Variants in TSHZ2 observed in about 807,000 individuals in gnomAD.
The protein encoded by TSHZ2 is teashirt zinc finger homeobox 2, also known as teashirt homolog 2.
A neutral mutation model predicts 74.4 loss-of-function variants in TSHZ2; 21 were observed. The ratio of observed to expected loss-of-function variants is 0.28; its 90% CI spans 0.20 to 0.41. The LOEUF (loss-of-function observed/expected upper bound fraction) is 0.41, where lower values mean the gene tolerates loss of function less well. Ranked by LOEUF, TSHZ2 falls within the 10% of genes least tolerant of loss-of-function variation. The probability of loss-of-function intolerance (pLI) is 1.00; values close to 1 mark genes in which losing one functional copy is unlikely to be tolerated. For missense variants in TSHZ2, 1,244 were observed against 1,293.5 expected, an observed-to-expected ratio of 0.96 and a Z score of 0.59; for synonymous variants, 540 against 515.3, an observed-to-expected ratio of 1.05 and a Z score of -0.65.
intron 1 of TSHZ2, among the ~76,000 whole-genome samples, chr20:53,001,212 G>GTGTGTGTGTGTGTGTGTGTGTGTGTA (rs1568713396): frequency 8.1e-6 from 1 of 123,434 alleles, no homozygotes; most frequent in Non-Finnish European, 1.6e-5. Context: ...GTGCGTGTGT[G>GTGTGTGTGTGTGTGTGTGTGTGTGTA]TGTGTGTGTG....
intron 2 of TSHZ2, among the ~76,000 whole-genome samples, chr20:53,307,785 A>G (rs1362451472): frequency 6.6e-6 from 1 of 152,204 alleles, no homozygotes; most frequent in Non-Finnish European, 1.5e-5. Context: ...GGCCACGGAT[A>G]TGGTTTTAAA....
intron 2 of TSHZ2, among the ~76,000 whole-genome samples, chr20:53,423,515 G>T (rs1156612867): frequency 6.6e-6 from 1 of 152,150 alleles, no homozygotes; most frequent in Non-Finnish European, 1.5e-5. Context: ...TTCCTTATCT[G>T]CTCTCTCTGC....
chr20:53,024,496 G>T (rs376396646), intron 1 of TSHZ2, among the ~76,000 whole-genome samples: 5 of 151,894 alleles, frequency 3.3e-5, no homozygotes, highest in African/African-American at 1.2e-4. Flanking sequence ...TGCTCTTGCA[G>T]ATTTTTTTTA....
intron 2 of TSHZ2, among the ~76,000 whole-genome samples, chr20:53,270,119 A>T (rs1029307400): frequency 6.6e-6 from 1 of 151,998 alleles, no homozygotes; most frequent in Non-Finnish European, 1.5e-5. Flanking sequence ...TGGATGTCTG[A>T]TACTATATCC....
At chr20:53,039,809 CA>C (rs1983971373) in intron 1 of TSHZ2, among the ~76,000 whole-genome samples, 7 of 147,910 alleles carry the variant, frequency 4.7e-5, no homozygotes, top group Non-Finnish European at 7.5e-5. Flanking sequence ...CACACACACA[CA>C]CACACCAGTG....
chr20:52,997,263 G>T (rs550142636), intron 1 of TSHZ2, among the ~76,000 whole-genome samples: 6 of 151,410 alleles, frequency 4.0e-5, no homozygotes, highest in South Asian at 4.2e-4. Flanking sequence ...TTGCCCCGGG[G>T]GGGGGTTCAG....
intron 1 of TSHZ2, among the ~76,000 whole-genome samples, chr20:53,052,471 G>A (rs979494867): frequency 1.3e-5 from 2 of 152,150 alleles, no homozygotes; most frequent in African/African-American, 4.8e-5. Context: ...GATCTAAGGT[G>A]GAACAGTTTC....
At chr20:53,168,065 C>T (rs558153707) in intron 1 of TSHZ2, among the ~76,000 whole-genome samples, 1 of 152,258 alleles carries the variant, frequency 6.6e-6, no homozygotes, top group African/African-American at 2.4e-5. Context: ...ATCAGTTGGT[C>T]ATTGTTCTTT....
rs2122886364 is a variant in TSHZ2 at position 52,983,653 on chromosome 20, A to T, written c.40+10320A>T. Among the ~76,000 whole-genome samples the T allele has an allele frequency of 2.6e-5, 4 of 152,360 alleles. No homozygotes were observed. The Middle Eastern group carries it at 0.014, about 518-fold the overall frequency. On this transcript the variant is annotated intron_variant, in intron 1 of 2. Coordinates refer to ENST00000371497, the MANE Select transcript of TSHZ2 (RefSeq NM_173485.6). ...TGTTTCAAATGAGAAAATATTAATGACCAAAAGACGATGATTTTCGTCTGA... is the reference window on the plus strand; with the variant it reads ...TGTTTCAAATGAGAAAATATTAATGTCCAAAAGACGATGATTTTCGTCTGA...
chr20:53,482,458 A>G (rs1456216604), intron 2 of TSHZ2, among the ~76,000 whole-genome samples: 1 of 152,218 alleles, frequency 6.6e-6, no homozygotes, highest in Non-Finnish European at 1.5e-5. Context: ...CAGAAAGTCA[A>G]TAACAAAATC....
At chr20:53,317,790 T>G (rs963683456) in intron 2 of TSHZ2, among the ~76,000 whole-genome samples, 18 of 152,344 alleles carry the variant, frequency 1.2e-4, no homozygotes, top group African/African-American at 4.1e-4. Context: ...ACCCTCTTTT[T>G]GCACACACAG....
chr20:53,465,966 T>TAAAA (rs557411643), intron 2 of TSHZ2, among the ~76,000 whole-genome samples: 16 of 132,214 alleles, frequency 1.2e-4, no homozygotes, highest in African/African-American at 4.0e-4. Context: ...TCACAGTGGT[T>TAAAA]AAAAAAAAAA....
intron 1 of TSHZ2, chr20:53,196,366 T>TAAAAAAAAAAAAAAAAAA (rs34385917): frequency 9.1e-6 from 1 of 109,692 alleles, no homozygotes; most frequent in African/African-American, 3.1e-5. Context: ...AATCTGCTGC[T>TAAAAAAAAAAAAAAAAAA]AAAAAAAAAA....
intron 2 of TSHZ2, among the ~76,000 whole-genome samples, chr20:53,314,117 A>T (rs529779392): frequency 6.6e-6 from 1 of 152,104 alleles, no homozygotes; most frequent in African/African-American, 2.4e-5. Context: ...GTGAAACCCC[A>T]TCTCTACTAA....
intron 1 of TSHZ2, among the ~76,000 whole-genome samples, chr20:53,163,360 C>CTTTTTTTTTTTTT (rs55685519): frequency 1.4e-4 from 9 of 65,632 alleles, no homozygotes; most frequent in Non-Finnish European, 1.7e-4. Context: ...CTCTCTGTCT[C>CTTTTTTTTTTTTT]TTTTTTTTTT....
chr20:53,376,169 G>A (rs2145631461), intron 2 of TSHZ2, among the ~76,000 whole-genome samples: 1 of 152,340 alleles, frequency 6.6e-6, no homozygotes, highest in South Asian at 2.1e-4. Context: ...AAGCTCTAAA[G>A]CATAACGGAC....
intron 1 of TSHZ2, among the ~76,000 whole-genome samples, chr20:53,045,856 C>T (rs552286553): frequency 8.5e-5 from 13 of 152,174 alleles, no homozygotes; most frequent in Non-Finnish European, 1.9e-4. Context: ...GTCATCTTTC[C>T]AAAGTGCCAC....
chr20:53,426,079 G>A (rs985140510), intron 2 of TSHZ2, among the ~76,000 whole-genome samples: 2 of 152,150 alleles, frequency 1.3e-5, no homozygotes, highest in Admixed American at 6.5e-5. Flanking sequence ...ACCTAGCCCA[G>A]GATAAACAGG....
chr20:53,243,220 A>G (rs1194024943), intron 1 of TSHZ2, among the ~76,000 whole-genome samples: 1 of 152,158 alleles, frequency 6.6e-6, no homozygotes, highest in East Asian at 1.9e-4. Context: ...GCCTTAAAGA[A>G]GGAAAGAATT....
Sources: gnomAD v4.1 joint callset for allele counts (sites outside exome capture counted in the v4.1 genomes callset) on GRCh38, gnomAD v4.1.1 for gene constraint, MANE v1.5 for transcripts, NCBI Gene and HGNC (gene_info 2026-07-23, HGNC 2026-07-21) for gene names.